Variants in FBXO34 observed in about 807,000 individuals in gnomAD.
FBXO34 encodes the protein F-box protein 34.
Under a neutral mutation model 24.5 loss-of-function variants are expected in FBXO34, and 12 were observed. That is an observed-to-expected ratio of 0.49 (90% confidence interval 0.31 to 0.79). The LOEUF is 0.79. FBXO34 is among the 30% of genes least tolerant of loss of function. FBXO34 has a pLI of 0.04. For synonymous variants in FBXO34, 320 were observed against 311.9 expected, an observed-to-expected ratio of 1.03 and a Z score of -0.27; for missense variants, 823 against 857.7, an observed-to-expected ratio of 0.96 and a Z score of 0.51.
chr14:55,428,696 G>GT, the FBXO34 span: 1 of 1,146,234 alleles, frequency 8.7e-7, no homozygotes, highest in Non-Finnish European at 1.2e-6. Context: ...TGTGTCCCCC[G>GT]CCTTTTTTTT....
chr14:55,336,528 A>G (rs939257499), intron 1 of FBXO34, among the ~76,000 whole-genome samples: 5 of 152,314 alleles, frequency 3.3e-5, no homozygotes, highest in African/African-American at 7.2e-5. Flanking sequence ...AGTGTTTTCC[A>G]CATGCTCCCA....
At chr14:55,322,309 CAAAA>C (rs3084455) in intron 1 of FBXO34, among the ~76,000 whole-genome samples, 1,502 of 122,036 alleles carry the variant, frequency 0.012, 32 homozygotes, top group African/African-American at 0.043. Flanking sequence ...GACTCTGTCT[CAAAA>C]AAAAAAAAAA....
the FBXO34 span, among the ~76,000 whole-genome samples, chr14:55,407,857 T>C: frequency 6.6e-5 from 10 of 152,028 alleles, no homozygotes; most frequent in Non-Finnish European, 1.3e-4. Context: ...ACCGAAGAAG[T>C]GGCCTTTAAG....
At chr14:55,403,614 A>G in the FBXO34 span, among the ~76,000 whole-genome samples, 1 of 152,174 alleles carries the variant, frequency 6.6e-6, no homozygotes, top group Non-Finnish European at 1.5e-5. Context: ...TTACAGCTGT[A>G]AAAGGAATAA....
chr14:55,313,905 GA>G (rs1251411453), intron 1 of FBXO34, among the ~76,000 whole-genome samples: 1 of 152,042 alleles, frequency 6.6e-6, no homozygotes, highest in African/African-American at 2.4e-5. Flanking sequence ...ACATATACTA[GA>G]AACTGTGTGT....
At chr14:55,290,255 G>A (rs1273850334) in intron 1 of FBXO34, among the ~76,000 whole-genome samples, 2 of 152,092 alleles carry the variant, frequency 1.3e-5, no homozygotes, top group South Asian at 2.1e-4. Context: ...TTAGCCTGGT[G>A]TGGTGGCAGG....
At chr14:55,393,884 C>T in the FBXO34 span, among the ~76,000 whole-genome samples, 3 of 151,764 alleles carry the variant, frequency 2.0e-5, no homozygotes, top group Non-Finnish European at 4.4e-5. Context: ...ATTTAAAATA[C>T]ATAAATGAAA....
intron 1 of FBXO34, among the ~76,000 whole-genome samples, chr14:55,311,449 A>C (rs985328274): frequency 6.6e-6 from 1 of 152,166 alleles, no homozygotes; most frequent in Non-Finnish European, 1.5e-5. Flanking sequence ...TTTCAAAGCC[A>C]ATCATGCCTT....
At chr14:55,390,835 C>T in the FBXO34 span, 1 of 1,004,850 alleles carries the variant, frequency 1.0e-6, no homozygotes, top group Non-Finnish European at 1.5e-6. Flanking sequence ...CTTTCTGTGT[C>T]CCTCTAGTTT....
the FBXO34 span, among the ~76,000 whole-genome samples, chr14:55,389,814 C>T: frequency 2.6e-5 from 4 of 152,190 alleles, no homozygotes; most frequent in East Asian, 3.9e-4. Flanking sequence ...GGATTAGAAA[C>T]GAGTATTCTT....
At chr14:55,396,728 C>A in the FBXO34 span, among the ~76,000 whole-genome samples, 1 of 152,160 alleles carries the variant, frequency 6.6e-6, no homozygotes, top group African/African-American at 2.4e-5. Context: ...AGATGCAAAC[C>A]TCTAGGGTGC....
the FBXO34 span, among the ~76,000 whole-genome samples, chr14:55,437,625 A>G: frequency 1.3e-5 from 2 of 152,268 alleles, no homozygotes; most frequent in Admixed American, 6.5e-5. Context: ...ATTTTGCAAT[A>G]GAGGCAATTG....
intron 1 of FBXO34, among the ~76,000 whole-genome samples, chr14:55,323,569 G>C (rs760143701): frequency 6.6e-6 from 1 of 151,752 alleles, no homozygotes; most frequent in Non-Finnish European, 1.5e-5. Context: ...TTTTAGTAGA[G>C]ACGGAGTTTC....
downstream of FBXO34, chr14:55,362,008 T>C (rs972727394): frequency 9.9e-5 from 15 of 152,246 alleles, no homozygotes; most frequent in Admixed American, 7.2e-4. Flanking sequence ...CATTCACAAC[T>C]TGGCTGTTTG....
chr14:55,290,795 G>T (rs1254212263), intron 1 of FBXO34, among the ~76,000 whole-genome samples: 1 of 152,136 alleles, frequency 6.6e-6, no homozygotes, highest in South Asian at 2.1e-4. Context: ...TATAAACAAT[G>T]CTGCAGTGAA....
intron 1 of FBXO34, chr14:55,339,292 A>G (rs1352573555): frequency 2.0e-5 from 3 of 152,128 alleles, no homozygotes; most frequent in South Asian, 2.1e-4. Flanking sequence ...TGTATGTACA[A>G]TATGATCATA....
the FBXO34 span, among the ~76,000 whole-genome samples, chr14:55,442,038 C>T: frequency 6.6e-6 from 1 of 151,524 alleles, no homozygotes; most frequent in Non-Finnish European, 1.5e-5. Context: ...GCTGGAATGA[C>T]AGGCACGAGC....
At chr14:55,356,546 C>G (rs369694230), downstream of FBXO34, among the ~76,000 whole-genome samples, 1 of 152,174 alleles carries the variant, frequency 6.6e-6, no homozygotes, top group African/African-American at 2.4e-5. Flanking sequence ...CTGCTGGGTT[C>G]AAGTGATTCT....
chr14:55,436,942 T>G, the FBXO34 span: 1 of 1,614,208 alleles, frequency 6.2e-7, no homozygotes, highest in Admixed American at 1.7e-5. Context: ...AGTATCCGGA[T>G]TGGATGCATT....
Sources: gnomAD v4.1 joint callset for allele counts (sites outside exome capture counted in the v4.1 genomes callset) on GRCh38, gnomAD v4.1.1 for gene constraint, MANE v1.5 for transcripts, NCBI Gene and HGNC (gene_info 2026-07-23, HGNC 2026-07-21) for gene names.